Variants in CDC14A observed in about 807,000 individuals in gnomAD.
The protein encoded by CDC14A is dual specificity protein phosphatase CDC14A.
CDC14A carries 53 observed loss-of-function variants against 74.4 expected under a neutral mutation model. The observed-to-expected ratio is 0.71, with a 90% CI of 0.57 to 0.89. CDC14A has a LOEUF of 0.89. CDC14A is among the 40% of genes least tolerant of loss of function. The probability of loss-of-function intolerance (pLI) is 0.00; values close to 1 mark genes in which losing one functional copy is unlikely to be tolerated. For missense variants in CDC14A, 646 were observed against 713.7 expected (o/e 0.91, Z 1.08); for synonymous variants, 247 against 258.4 (o/e 0.96, Z 0.43).
intron 2 of CDC14A, among the ~76,000 whole-genome samples, chr1:100,376,935 T>C (rs774944117): frequency 1.3e-5 from 2 of 152,158 alleles, no homozygotes; most frequent in Non-Finnish European, 2.9e-5. Flanking sequence ...ACTTGTTATA[T>C]TCCTGTTGGT....
At chr1:100,423,943 C>T (rs1007881673) in intron 4 of CDC14A, 13 of 352,304 alleles carry the variant, frequency 3.7e-5, no homozygotes, top group Non-Finnish European at 5.5e-5. Flanking sequence ...GTACAACTGT[C>T]GCTGCCATTG....
intron 4 of CDC14A, among the ~76,000 whole-genome samples, chr1:100,415,374 C>CA (rs1400898380): frequency 1.3e-5 from 2 of 152,094 alleles, no homozygotes; most frequent in Non-Finnish European, 2.9e-5. Context: ...GCACCTCAAA[C>CA]AAAAAACATA....
chr1:100,517,450 T>A (rs1373922397), intron 15 of CDC14A, among the ~76,000 whole-genome samples: 1 of 152,196 alleles, frequency 6.6e-6, no homozygotes, highest in African/African-American at 2.4e-5. Flanking sequence ...TTTAGATTGA[T>A]TTATGTTCCT....
chr1:100,467,996 A>G lies in CDC14A; in HGVS notation c.879A>G (p.Val293=), dbSNP rs938043569. 1 of 1,610,734 alleles carries G rather than the reference A, an allele frequency of 6.2e-7. No homozygotes were observed. Among genetic ancestry groups the G allele is most frequent in the African/African-American group, 1.3e-5 (1 of 74,736 alleles). ...GRTGTLIACY[V]MKHYRFTHAE... ...CAGGGACATTGATAGCCTGTTATGT[A>G]ATGAAACACTACAGGTTTACACATG... is the stretch of plus-strand genomic sequence containing the variant. Residue 293 remains valine (V), a synonymous_variant, in exon 10 of 16, where the codon GTA becomes GTG. Coordinates refer to ENST00000336454, the MANE Select transcript of CDC14A (RefSeq NM_003672.4).
chr1:100,351,787 G>A (rs1414396993), upstream of CDC14A: 2 of 1,550,474 alleles, frequency 1.3e-6, no homozygotes, highest in African/African-American at 1.4e-5. Flanking sequence ...TGAGAACAAA[G>A]TACAAGTTAT....
chr1:100,472,768 CT>C (rs531436080), intron 10 of CDC14A, among the ~76,000 whole-genome samples: 5 of 150,266 alleles, frequency 3.3e-5, no homozygotes, highest in Non-Finnish European at 3.0e-5. Flanking sequence ...GGTCAAGCTT[CT>C]TTTTTTTTGG....
chr1:100,410,067 C>G (rs1050091532), intron 4 of CDC14A, among the ~76,000 whole-genome samples: 5 of 151,968 alleles, frequency 3.3e-5, no homozygotes, highest in Non-Finnish European at 7.4e-5. Flanking sequence ...AAAGAATTAA[C>G]CAGGTGTGGT....
intron 5 of CDC14A, among the ~76,000 whole-genome samples, chr1:100,433,520 A>G (rs1455351435): frequency 2.0e-5 from 3 of 152,184 alleles, no homozygotes; most frequent in African/African-American, 7.2e-5. Context: ...TTAGAGAATC[A>G]AGGACTTAAG....
intron 4 of CDC14A, among the ~76,000 whole-genome samples, chr1:100,392,212 T>C (rs918186984): frequency 2.0e-5 from 3 of 152,186 alleles, no homozygotes; most frequent in African/African-American, 7.2e-5. Context: ...GAAGGTTCAG[T>C]GAAGTTCTGG....
At chr1:100,462,567 CA>C in intron 8 of CDC14A, 83 bp from the exon 9 acceptor site, 1 of 1,041,042 alleles carries the variant, frequency 9.6e-7, no homozygotes, top group Non-Finnish European at 1.5e-6. Flanking sequence ...GAGATTTATA[CA>C]CTTCATTGTT....
intron 10 of CDC14A, among the ~76,000 whole-genome samples, chr1:100,482,638 A>G (rs1009501416): frequency 6.6e-6 from 1 of 152,142 alleles, no homozygotes; most frequent in Non-Finnish European, 1.5e-5. Flanking sequence ...CTTGAGAGAC[A>G]GGGATTCAGT....
upstream of CDC14A, among the ~76,000 whole-genome samples, chr1:100,352,113 GGGT>G (rs1651112489): frequency 6.6e-6 from 1 of 152,160 alleles, no homozygotes; most frequent in Non-Finnish European, 1.5e-5. Context: ...AAGACTTAGA[GGGT>G]GCAGAAAAGA....
At chr1:100,349,802 G>T (rs900857925), upstream of CDC14A, among the ~76,000 whole-genome samples, 2 of 151,538 alleles carry the variant, frequency 1.3e-5, no homozygotes, top group African/African-American at 4.9e-5. Flanking sequence ...AGCTGGGATT[G>T]CAGGTGCCCG....
intron 5 of CDC14A, among the ~76,000 whole-genome samples, chr1:100,432,711 A>G (rs1663845724): frequency 6.6e-6 from 1 of 152,220 alleles, no homozygotes; most frequent in Non-Finnish European, 1.5e-5. Flanking sequence ...AGCAAAATAC[A>G]CTACTAAAAT....
chr1:100,434,817 A>G (rs1664132218), intron 5 of CDC14A, among the ~76,000 whole-genome samples: 1 of 152,176 alleles, frequency 6.6e-6, no homozygotes. Flanking sequence ...CCGAACGGAA[A>G]TGCCATGTAG....
chr1:100,389,246 C>T (rs1206064842), intron 3 of CDC14A, among the ~76,000 whole-genome samples: 2 of 145,046 alleles, frequency 1.4e-5, no homozygotes, highest in African/African-American at 5.1e-5. Flanking sequence ...TAATGTGATT[C>T]TAGGAGTTCG....
chr1:100,437,668 T>C (rs1664494010), intron 5 of CDC14A, among the ~76,000 whole-genome samples: 1 of 152,088 alleles, frequency 6.6e-6, no homozygotes, highest in Non-Finnish European at 1.5e-5. Flanking sequence ...TCACCAGAGC[T>C]CTCCTTTTAG....
chr1:100,370,706 A>G (rs139474990), intron 2 of CDC14A, among the ~76,000 whole-genome samples: 4 of 152,218 alleles, frequency 2.6e-5, no homozygotes, highest in African/African-American at 9.6e-5. Flanking sequence ...TGTTTTGGTT[A>G]TTATAGCCTT....
At chr1:100,502,880 A>T (rs745644112) in intron 15 of CDC14A, among the ~76,000 whole-genome samples, 57 of 152,170 alleles carry the variant, frequency 3.7e-4, no homozygotes, top group Non-Finnish European at 1.0e-4. Context: ...AATTTAAGTA[A>T]TAGTCTGTGT....
Sources: allele counts gnomAD v4.1 joint callset (sites outside exome capture counted in the v4.1 genomes callset), GRCh38; gene constraint gnomAD v4.1.1; transcripts MANE v1.5; gene names NCBI Gene and HGNC (gene_info 2026-07-23, HGNC 2026-07-21).